COL24A1: variants seen among roughly 807,000 people sequenced by gnomAD.
COL24A1 encodes collagen alpha-1(XXIV) chain.
A neutral mutation model predicts 253.9 loss-of-function variants in COL24A1; 224 were observed. The ratio of observed to expected loss-of-function variants is 0.88; its 90% CI spans 0.79 to 0.99. The LOEUF (loss-of-function observed/expected upper bound fraction) is 0.99. Ranked by LOEUF, COL24A1 falls within the 50% of genes least tolerant of loss-of-function variation. COL24A1 has a pLI of 0.00. For missense variants in COL24A1, 2,131 were observed against 2,068.5 expected (o/e 1.03, Z -0.59); for synonymous variants, 685 against 673.7 (o/e 1.02, Z -0.26).
intron 37 of COL24A1, among the ~76,000 whole-genome samples, chr1:85,866,214 G>T (rs1031939171): frequency 6.6e-6 from 1 of 152,146 alleles, no homozygotes; most frequent in East Asian, 1.9e-4. Context: ...AGTGAGCCAA[G>T]ATCGTGCCAC....
intron 37 of COL24A1, among the ~76,000 whole-genome samples, chr1:85,866,474 G>T (rs1053006162): frequency 5.3e-5 from 8 of 151,896 alleles, no homozygotes; most frequent in Non-Finnish European, 1.0e-4. Context: ...GACTAATGAT[G>T]TTTAAGATAA....
chr1:86,143,681 G>A (rs921414355), intron 2 of COL24A1, among the ~76,000 whole-genome samples: 2 of 152,038 alleles, frequency 1.3e-5, no homozygotes, highest in Non-Finnish European at 2.9e-5. Flanking sequence ...ACCAAAAGAA[G>A]GTGCTAAAAG....
intron 3 of COL24A1, 25 bp from the exon 4 acceptor site, chr1:86,115,403 T>C (rs1366982918): frequency 3.1e-6 from 5 of 1,605,036 alleles, no homozygotes; most frequent in East Asian, 2.2e-5. Context: ...GTCAAGACAT[T>C]AGGCATGATA....
At position 85,909,968 on chromosome 1, in the gene COL24A1, C is replaced by T; in HGVS notation, c.2652G>A (p.Gln884=). Residue 884 remains glutamine, a synonymous_variant, in exon 26 of 60, where the codon CAG becomes CAA. Transcript: ENST00000370571. ...CTCTTACCATAACACCTTTTTCTCC[C>T]TGCGGACCTAGTGGGCCTGGACTTC... ...ERGSPGPLGP[Q]GEKGVMGYPG... 6.2e-7 allele frequency: 1 copy of T among 1,610,452 alleles called. No individual in the cohort carries two copies. Among genetic ancestry groups the T allele is most frequent in the Non-Finnish European group, 8.5e-7 (1 of 1,177,168 alleles).
At chr1:85,923,848 CA>C (rs1007374362) in intron 24 of COL24A1, among the ~76,000 whole-genome samples, 8 of 151,948 alleles carry the variant, frequency 5.3e-5, no homozygotes, top group Admixed American at 2.6e-4. Context: ...GATGGAGACA[CA>C]AAAACCCTTC....
At chr1:85,803,807 T>A (rs539793042) in intron 47 of COL24A1, among the ~76,000 whole-genome samples, 2 of 152,182 alleles carry the variant, frequency 1.3e-5, no homozygotes, top group Admixed American at 6.5e-5. Flanking sequence ...CAGTTTTACT[T>A]CTTCTATTCC....
intron 55 of COL24A1, among the ~76,000 whole-genome samples, chr1:85,755,447 G>A (rs563086007): frequency 2.0e-5 from 3 of 152,236 alleles, no homozygotes; most frequent in African/African-American, 4.8e-5. Flanking sequence ...AAAAGAAGTT[G>A]TTAGAGGCAT....
At chr1:85,850,467 G>GA (rs967698138) in intron 37 of COL24A1, among the ~76,000 whole-genome samples, 17 of 152,288 alleles carry the variant, frequency 1.1e-4, no homozygotes, top group Admixed American at 7.2e-4. Context: ...TCTAGCCTCA[G>GA]AAAATCACTG....
chr1:85,738,883 A>C (rs1664328197), intron 57 of COL24A1, among the ~76,000 whole-genome samples: 1 of 152,180 alleles, frequency 6.6e-6, no homozygotes, highest in African/African-American at 2.4e-5. Flanking sequence ...TTCAAACTTT[A>C]GTGTGCATCA....
intron 5 of COL24A1, among the ~76,000 whole-genome samples, chr1:86,109,411 C>T (rs1557659058): frequency 1.3e-5 from 2 of 152,108 alleles, no homozygotes; most frequent in Non-Finnish European, 2.9e-5. Flanking sequence ...CATCGTAGCA[C>T]CATGTTAAGA....
intron 45 of COL24A1, among the ~76,000 whole-genome samples, chr1:85,819,967 C>A (rs1673450366): frequency 6.6e-6 from 1 of 151,840 alleles, no homozygotes; most frequent in African/African-American, 2.4e-5. Flanking sequence ...CCTGCCTCAG[C>A]CTCCCAAGTA....
At chr1:86,074,865 C>A (rs553906477) in intron 7 of COL24A1, among the ~76,000 whole-genome samples, 3 of 152,218 alleles carry the variant, frequency 2.0e-5, no homozygotes, top group South Asian at 4.2e-4. Flanking sequence ...AGAACAAAGA[C>A]ACAATGTAAC....
Position 85,907,332 on chromosome 1 carries a change from T to G in COL24A1, c.2725-85A>C, listed in dbSNP as rs1046494011. 2.9e-5 allele frequency: 33 copies of G among 1,132,872 alleles called. No homozygotes were observed. In the African/African-American group the frequency reaches 4.0e-4, roughly 14 times the overall value. 70.2% of individuals were successfully genotyped at this position (1,132,872 alleles called of 1,614,324 possible). ...GCCATAATCTTTCTTATAACATATA[T>G]CCTTCTCCCAGGACATTTTTACAAT... On this transcript the variant is annotated intron_variant, in intron 27 of 59. Coordinates refer to ENST00000370571, the MANE Select transcript of COL24A1 (RefSeq NM_152890.7).
chr1:85,847,591 G>T, intron 39 of COL24A1, 74 bp downstream of exon 39: 17 of 1,026,486 alleles, frequency 1.7e-5, no homozygotes, highest in Non-Finnish European at 2.6e-5. Context: ...ATCAAGGGAT[G>T]AAACTTTAAG....
intron 42 of COL24A1, 63 bp from the exon 43 acceptor site, chr1:85,838,701 G>A (rs544059136): frequency 1.4e-6 from 2 of 1,444,324 alleles, no homozygotes; most frequent in East Asian, 2.3e-5. Context: ...GCGAATGCAG[G>A]TGATAAGATT....
chr1:86,070,177 C>T (rs1333631332), intron 7 of COL24A1, among the ~76,000 whole-genome samples: 5 of 152,080 alleles, frequency 3.3e-5, no homozygotes, highest in African/African-American at 7.2e-5. Context: ...TTGAAAAATA[C>T]AACTGAATGC....
At chr1:86,071,626 A>G (rs1388209602) in intron 7 of COL24A1, among the ~76,000 whole-genome samples, 1 of 152,228 alleles carries the variant, frequency 6.6e-6, no homozygotes, top group Non-Finnish European at 1.5e-5. Flanking sequence ...CAGATTTCCA[A>G]ACAAAAACTA....
At chr1:85,963,982 C>CA (rs147198859) in intron 23 of COL24A1, among the ~76,000 whole-genome samples, 2,553 of 152,238 alleles carry the variant, frequency 0.017, 74 homozygotes, top group African/African-American at 0.057. Context: ...GTCAGGTACA[C>CA]ATATTCTGCC....
At chr1:86,090,555 C>G (rs964680650) in intron 6 of COL24A1, among the ~76,000 whole-genome samples, 3 of 152,122 alleles carry the variant, frequency 2.0e-5, no homozygotes, top group African/African-American at 7.2e-5. Context: ...GGTTAAAATA[C>G]AATTGTTTGC....
Sources: gnomAD v4.1 joint callset for allele counts (sites outside exome capture counted in the v4.1 genomes callset) on GRCh38, gnomAD v4.1.1 for gene constraint, MANE v1.5 for transcripts, NCBI Gene and HGNC (gene_info 2026-07-23, HGNC 2026-07-21) for gene names.